The following TENM4 variants were observed in gnomAD, a reference collection of about 807,000 sequenced individuals.
TENM4 encodes the protein teneurin transmembrane protein 4.
A neutral mutation model predicts 243.3 loss-of-function variants in TENM4; 82 were observed. The ratio of observed to expected loss-of-function variants is 0.34; its 90% CI spans 0.28 to 0.40. TENM4 has a LOEUF of 0.40. TENM4 is among the 10% of genes least tolerant of loss of function. TENM4 has a pLI of 1.00. For missense variants in TENM4, 3,138 were observed against 3,673.3 expected (o/e 0.85, Z 3.77); for synonymous variants, 1,412 against 1,456.3 (o/e 0.97, Z 0.69).
At position 78,779,454 on chromosome 11, in the gene TENM4, A is replaced by G. The variant is rs117445690; in HGVS notation, c.2366-826T>C. ...CAAGCCTTGAGTTATTTGGCCTTCT[A>G]AAGTTTTGCTTATTTGAGGATGAGC... On this transcript the variant is annotated intron_variant, in intron 16 of 33. Coordinates refer to ENST00000278550, the MANE Select transcript of TENM4 (RefSeq NM_001098816.3). 3.4e-4 allele frequency among the ~76,000 whole-genome samples: 52 copies of G among 152,336 alleles called. No homozygotes were observed. The East Asian group carries it at 9.6e-3, about 28-fold the overall frequency.
rs568057773 is a variant in TENM4 at position 79,405,300 on chromosome 11, G to A, written c.-321+35209C>T. On this transcript the variant is annotated intron_variant, in intron 1 of 33. Coordinates refer to ENST00000278550, the MANE Select transcript of TENM4 (RefSeq NM_001098816.3). Reference sequence around the variant, plus strand: ...ACTGCTCACAGCAACCCATGAGAAAGGAACTCTTCCCAATTTTCAGTGGGG... The same window carrying A: ...ACTGCTCACAGCAACCCATGAGAAAAGAACTCTTCCCAATTTTCAGTGGGG... Among the ~76,000 whole-genome samples, 29 of 152,124 alleles carry A rather than the reference G, an allele frequency of 1.9e-4. No individual in the cohort carries two copies. In the South Asian group the frequency reaches 6.0e-3, roughly 32 times the overall value.
chr11:78,815,877 G>A (rs79075616), intron 12 of TENM4, among the ~76,000 whole-genome samples: 10,652 of 152,296 alleles, frequency 0.07, 1,206 homozygotes, highest in African/African-American at 0.24. Flanking sequence ...AAGACTGCAA[G>A]GACTGGAACC....
chr11:79,428,686 A>G (rs573848236), intron 1 of TENM4, among the ~76,000 whole-genome samples: 2 of 152,352 alleles, frequency 1.3e-5, no homozygotes, highest in South Asian at 4.1e-4. Flanking sequence ...AGGCTGAGTA[A>G]GAAGGCCACT....
intron 4 of TENM4, among the ~76,000 whole-genome samples, chr11:79,146,403 G>A (rs146187644): frequency 1.3e-5 from 2 of 152,168 alleles, no homozygotes; most frequent in African/African-American, 4.8e-5. Flanking sequence ...CAATTCTTCT[G>A]AATTTAATAA....
chr11:78,786,721 T>C (rs139053074), intron 16 of TENM4, among the ~76,000 whole-genome samples, 177 bp downstream of exon 16: 140 of 152,256 alleles, frequency 9.2e-4, no homozygotes, highest in African/African-American at 3.3e-3. Flanking sequence ...AAATACCAAA[T>C]CGTGAGTTTA....
At chr11:79,289,712 C>A (rs977505395) in intron 2 of TENM4, among the ~76,000 whole-genome samples, 3 of 152,220 alleles carry the variant, frequency 2.0e-5, no homozygotes, top group African/African-American at 7.2e-5. Flanking sequence ...GCGAATTCAA[C>A]CTACTACATC....
chr11:79,219,051 T>G (rs1360062261), intron 2 of TENM4, among the ~76,000 whole-genome samples: 2 of 152,176 alleles, frequency 1.3e-5, no homozygotes, highest in Non-Finnish European at 2.9e-5. Context: ...GTAAGAGAGA[T>G]GCAGACAGAA....
At chr11:79,137,189 A>C (rs1470688009) in intron 4 of TENM4, among the ~76,000 whole-genome samples, 1 of 152,142 alleles carries the variant, frequency 6.6e-6, no homozygotes, top group African/African-American at 2.4e-5. Flanking sequence ...GATTCCATTA[A>C]AGTGGAAGTT....
At chr11:78,976,451 A>AG (rs1857657097) in intron 6 of TENM4, among the ~76,000 whole-genome samples, 1 of 152,262 alleles carries the variant, frequency 6.6e-6, no homozygotes, top group African/African-American at 2.4e-5. Flanking sequence ...TGTGGATATA[A>AG]GCATATACTA....
At chr11:78,794,142 C>T (rs1462177810) in intron 15 of TENM4, among the ~76,000 whole-genome samples, 1 of 152,208 alleles carries the variant, frequency 6.6e-6, no homozygotes, top group Admixed American at 6.5e-5. Context: ...GTCACCAGGC[C>T]ATCTAAGTGT....
chr11:78,950,873 C>G (rs1857095780), intron 6 of TENM4, among the ~76,000 whole-genome samples: 1 of 152,248 alleles, frequency 6.6e-6, no homozygotes. Flanking sequence ...CTCTTCTGCT[C>G]TAGAGCCTCC....
At chr11:78,837,129 T>A (rs1858136824) in intron 12 of TENM4, among the ~76,000 whole-genome samples, 2 of 152,192 alleles carry the variant, frequency 1.3e-5, no homozygotes, top group South Asian at 4.1e-4. Flanking sequence ...CCCATCCAAA[T>A]CTCATCTTGA....
intron 6 of TENM4, among the ~76,000 whole-genome samples, chr11:78,944,259 T>C (rs759402537): frequency 6.0e-5 from 9 of 150,950 alleles, no homozygotes; most frequent in Non-Finnish European, 1.0e-4. Flanking sequence ...TAGTCCTGAC[T>C]CAGGCAGAAA....
chr11:78,699,633 C>T (rs67930048), intron 28 of TENM4, among the ~76,000 whole-genome samples: 3,678 of 152,300 alleles, frequency 0.024, 65 homozygotes, highest in Non-Finnish European at 0.04. Flanking sequence ...GAATTCCAGA[C>T]GCCATTTTAT....
At chr11:79,033,643 A>G (rs140344127) in intron 6 of TENM4, among the ~76,000 whole-genome samples, 1 of 152,370 alleles carries the variant, frequency 6.6e-6, no homozygotes, top group African/African-American at 2.4e-5. Flanking sequence ...GATGATGCCT[A>G]CTTGGACAGG....
At chr11:79,423,682 A>AG (rs1408893279) in intron 1 of TENM4, among the ~76,000 whole-genome samples, 1 of 151,506 alleles carries the variant, frequency 6.6e-6, no homozygotes, top group Non-Finnish European at 1.5e-5. Context: ...AGGCGCAGGG[A>AG]GGGTTAAATG....
chr11:79,325,804 C>G (rs1185625798), intron 1 of TENM4, among the ~76,000 whole-genome samples: 2 of 152,172 alleles, frequency 1.3e-5, no homozygotes, highest in Non-Finnish European at 2.9e-5. Flanking sequence ...CGAGAACACA[C>G]CCAAATGGCT....
At chr11:79,139,748 T>C (rs377135737) in intron 4 of TENM4, among the ~76,000 whole-genome samples, 1 of 24,924 alleles carries the variant, frequency 4.0e-5, no homozygotes, top group Non-Finnish European at 8.8e-5. Flanking sequence ...TATAAATATA[T>C]AATATATATT....
chr11:79,037,015 CAAAAAAAAA>C (rs369421583), intron 6 of TENM4, among the ~76,000 whole-genome samples: 1 of 91,084 alleles, frequency 1.1e-5, no homozygotes, highest in East Asian at 4.5e-4. Context: ...GACTCCATCT[CAAAAAAAAA>C]AAAAAAAAAA....
Sources: allele counts gnomAD v4.1 joint callset (sites outside exome capture counted in the v4.1 genomes callset), GRCh38; gene constraint gnomAD v4.1.1; transcripts MANE v1.5; gene names NCBI Gene and HGNC (gene_info 2026-07-23, HGNC 2026-07-21).